Variants in FKBP9 observed in about 807,000 individuals in gnomAD.
The protein encoded by FKBP9 is peptidyl-prolyl cis-trans isomerase FKBP9.
FKBP9 carries 27 observed loss-of-function variants against 55.6 expected under a neutral mutation model. The observed-to-expected ratio is 0.49, with a 90% confidence interval of 0.36 to 0.67. FKBP9 has a LOEUF of 0.67. Ranked by LOEUF, FKBP9 falls within the 30% of genes least tolerant of loss-of-function variation. The probability of loss-of-function intolerance (pLI) is 0.00; values close to 1 mark genes in which losing one functional copy is unlikely to be tolerated. For synonymous variants in FKBP9, 267 were observed against 296.5 expected, an observed-to-expected ratio of 0.90 and a Z score of 1.02; for missense variants, 539 against 742.8, an observed-to-expected ratio of 0.73 and a Z score of 3.19.
Position 32,988,592 on chromosome 7 carries a change from A to T in FKBP9, c.979A>T (p.Ile327Phe), listed in dbSNP as rs1444889535. 10 of 1,613,838 alleles carry T rather than the reference A, an allele frequency of 6.2e-6. No individual in the cohort carries two copies. Among genetic ancestry groups the T allele is most frequent in the African/African-American group, 1.3e-5 (1 of 74,906 alleles). Residue 327 changes from isoleucine (I) to phenylalanine (F), a missense_variant, in exon 6 of 10, where the codon ATT (isoleucine) becomes TTT (phenylalanine). Physicochemically the swap from Ile to Phe is conservative, Grantham distance 21. Around this residue, in one of 4 missense-constraint regions of FKBP9, gnomAD observed 172 missense variants for 205.3 expected, o/e 0.84. Transcript: ENST00000242209. ...GMDEGLLGVC[I>F]GEKRRIVVPP... ...GGATGAAGGTCTACTTGGTGTTTGCATTGGAGAAAAGCGAAGGATTGTGGT... is the reference window on the plus strand; with the variant it reads ...GGATGAAGGTCTACTTGGTGTTTGCTTTGGAGAAAAGCGAAGGATTGTGGT...
chr7:32,957,955 G>T (rs1783939067), intron 1 of FKBP9, among the ~76,000 whole-genome samples, 161 bp downstream of exon 1: 1 of 152,216 alleles, frequency 6.6e-6, no homozygotes, highest in African/African-American at 2.4e-5. Flanking sequence ...ACCCTCCGCC[G>T]CGGGTGAGCC....
At chr7:32,995,602 T>C (rs1396303333) in intron 6 of FKBP9, among the ~76,000 whole-genome samples, 1 of 152,236 alleles carries the variant, frequency 6.6e-6, no homozygotes, top group Admixed American at 6.5e-5. Flanking sequence ...TAATTTAGTA[T>C]AGAACAAATA....
At chr7:32,963,740 G>T in intron 1 of FKBP9, 2 of 1,290,916 alleles carry the variant, frequency 1.5e-6, no homozygotes. Flanking sequence ...TGCAAACGGG[G>T]CTTCATTCTC....
At chr7:32,988,024 A>C (rs1784609554) in intron 5 of FKBP9, among the ~76,000 whole-genome samples, 1 of 152,084 alleles carries the variant, frequency 6.6e-6, no homozygotes, top group Non-Finnish European at 1.5e-5. Flanking sequence ...ACAAAAAAAA[A>C]AAAGTATTAG....
chr7:32,970,116 A>G lies in FKBP9; in HGVS notation c.222-4501A>G, dbSNP rs142958532. Among the ~76,000 whole-genome samples the G allele has an allele frequency of 2.6e-5, 4 of 152,082 alleles. No individual in the cohort carries two copies. In the East Asian group the frequency reaches 7.8e-4, roughly 30 times the overall value. On this transcript the variant is annotated intron_variant, in intron 1 of 9. Transcript: ENST00000242209. ...ATTGAATCAATAGATTGCTTTGGTT[A>G]GTGTGGACATCTTAGCCATATTAAG...
intron 1 of FKBP9, among the ~76,000 whole-genome samples, chr7:32,961,072 C>A (rs1434708917): frequency 6.6e-6 from 1 of 152,144 alleles, no homozygotes; most frequent in Non-Finnish European, 1.5e-5. Context: ...GGTCTGTAGT[C>A]CACCCATGTA....
In FKBP9 at chr7:33,002,669, T is replaced by G. The variant is rs1489676934; in HGVS notation, c.1373-7T>G. The G allele has an allele frequency of 3.1e-6, 5 of 1,612,914 alleles. No individual in the cohort carries two copies. The African/African-American group carries it at 5.3e-5, about 17-fold the overall frequency. On this transcript the variant is annotated splice_region_variant and splice_polypyrimidine_tract_variant and intron_variant, in intron 8 of 9. Coordinates refer to ENST00000242209, the MANE Select transcript of FKBP9 (RefSeq NM_007270.5). The stretch of plus-strand genomic sequence containing the variant: ...GACACCGCCTCCCGCTCCTGTCACC[T>G]GGACAGATGGAGAAGTGCCCGGCAG...
intron 7 of FKBP9, among the ~76,000 whole-genome samples, chr7:32,997,557 C>T (rs180951173): frequency 0.027 from 4,163 of 152,272 alleles, 86 homozygotes; most frequent in South Asian, 0.079. Context: ...AGGCTGGGTG[C>T]GGTGGCTCAT....
chr7:32,977,905 A>G (rs1293506164), intron 4 of FKBP9, among the ~76,000 whole-genome samples: 2 of 128,970 alleles, frequency 1.6e-5, no homozygotes, highest in Non-Finnish European at 3.5e-5. Context: ...TCATATATAT[A>G]TACTCATATA....
rs1583865828 is a variant in FKBP9, at chr7:32,993,025, G to A, written c.1040-3138G>A. 1.7e-5 allele frequency: 4 copies of A among 232,100 alleles called. No individual in the cohort carries two copies. The East Asian group carries it at 1.8e-4, about 11-fold the overall frequency. The allele number at this position is 232,100 out of a possible 1,614,324, so 14.4% of individuals were successfully genotyped here. On this transcript the variant is annotated intron_variant, in intron 6 of 9. Coordinates refer to ENST00000242209, the MANE Select transcript of FKBP9 (RefSeq NM_007270.5). The stretch of plus-strand genomic sequence containing the variant: ...AATTCTTGTGCCTGGAATCCTCGGG[G>A]CCTGAGAGGCTGAGTTCATTTGACT...
chr7:32,971,350 T>G (rs1188134987), intron 1 of FKBP9, among the ~76,000 whole-genome samples: 1 of 152,250 alleles, frequency 6.6e-6, no homozygotes, highest in Non-Finnish European at 1.5e-5. Flanking sequence ...TCAGAAAGAT[T>G]TTTTGGTTTT....
At chr7:32,997,065 A>C (rs1220911154) in intron 7 of FKBP9, among the ~76,000 whole-genome samples, 4 of 149,546 alleles carry the variant, frequency 2.7e-5, no homozygotes, top group Admixed American at 2.7e-4. Context: ...AAGTGCTGGG[A>C]TTACAGGCGT....
At chr7:32,962,428 C>T (rs1784044553) in intron 1 of FKBP9, among the ~76,000 whole-genome samples, 1 of 152,160 alleles carries the variant, frequency 6.6e-6, no homozygotes, top group Non-Finnish European at 1.5e-5. Flanking sequence ...GAATCATGAA[C>T]TCAATAACAG....
intron 3 of FKBP9, among the ~76,000 whole-genome samples, chr7:32,975,867 C>T (rs532242270): frequency 5.3e-5 from 8 of 152,252 alleles, no homozygotes; most frequent in African/African-American, 7.2e-5. Context: ...AGGGTGTTCT[C>T]GATCTCCTGA....
At chr7:32,962,842 A>G (rs1281999640) in intron 1 of FKBP9, among the ~76,000 whole-genome samples, 4 of 133,240 alleles carry the variant, frequency 3.0e-5, no homozygotes, top group Non-Finnish European at 6.2e-5. Context: ...GTAAAGTAGA[A>G]GTTGGTGAGG....
intron 5 of FKBP9, among the ~76,000 whole-genome samples, chr7:32,981,912 A>G (rs1243633938): frequency 1.3e-5 from 2 of 149,696 alleles, no homozygotes; most frequent in African/African-American, 4.9e-5. Flanking sequence ...AAAAAAAAAA[A>G]GAAAAGATAT....
chr7:32,990,912 T>C (rs73689279), intron 6 of FKBP9, among the ~76,000 whole-genome samples: 59 of 130,426 alleles, frequency 4.5e-4, no homozygotes, highest in African/African-American at 1.5e-3. Flanking sequence ...AGGTAGGTTG[T>C]ACAATGGAGA....
rs117469750 is a variant in FKBP9, at chr7:32,986,822, C to G, written c.894-1685C>G. The stretch of plus-strand genomic sequence containing the variant: ...CTTTGAGGTGAGGGAATGGCAGGAC[C>G]GACTGGCTCTTTCAGGACAGGCTTT... On this transcript the variant is annotated intron_variant, in intron 5 of 9. Transcript: ENST00000242209. Among the ~76,000 whole-genome samples, 1,837 of 152,228 alleles carry G rather than the reference C, an allele frequency of 0.012. 125 individuals are homozygous for G. The East Asian group carries it at 0.2, about 16-fold the overall frequency.
chr7:32,983,516 T>G (rs13307093), intron 5 of FKBP9, among the ~76,000 whole-genome samples: 1 of 151,932 alleles, frequency 6.6e-6, no homozygotes, highest in East Asian at 1.9e-4. Flanking sequence ...GGTTTTGCCA[T>G]GTTGGCCAGG....
Sources: gnomAD v4.1 joint callset for allele counts (sites outside exome capture counted in the v4.1 genomes callset) on GRCh38, gnomAD v4.1.1 for gene constraint, gnomAD v4.1.1 regional missense constraint, MANE v1.5 for transcripts, NCBI Gene and HGNC (gene_info 2026-07-23, HGNC 2026-07-21) for gene names.